The following ARHGEF10 variants were observed in gnomAD, a reference collection of about 807,000 sequenced individuals.
The protein encoded by ARHGEF10 is Rho guanine nucleotide exchange factor (GEF) 10.
In ARHGEF10, 140 loss-of-function variants were observed where a neutral mutation model predicts 147.4. That is an observed-to-expected ratio of 0.95 (90% confidence interval 0.83 to 1.09). The LOEUF (loss-of-function observed/expected upper bound fraction) is 1.09. ARHGEF10 is among the 50% of genes least tolerant of loss of function. The pLI, the probability that ARHGEF10 is intolerant of heterozygous loss-of-function variation, is 0.00. For synonymous variants in ARHGEF10, 902 were observed against 695.8 expected (o/e 1.30, Z -4.67); for missense variants, 2,222 against 1,752.7 (o/e 1.27, Z -4.78).
chr8:1,923,655 T>C (rs1812465932), intron 20 of ARHGEF10, 60 bp downstream of exon 20: 1 of 1,614,188 alleles, frequency 6.2e-7, no homozygotes, highest in Non-Finnish European at 8.5e-7. Context: ...AATGGTTCTT[T>C]GTCATGACAT....
chr8:1,835,370 G>A (rs561077685), intron 1 of ARHGEF10, among the ~76,000 whole-genome samples: 13 of 152,292 alleles, frequency 8.5e-5, no homozygotes, highest in Non-Finnish European at 1.8e-4. Context: ...CTGAGGCCGT[G>A]GGGGTACAGG....
At chr8:1,861,053 C>A (rs961419750) in intron 4 of ARHGEF10, among the ~76,000 whole-genome samples, 1 of 152,210 alleles carries the variant, frequency 6.6e-6, no homozygotes, top group Non-Finnish European at 1.5e-5. Flanking sequence ...TTCCCTGTAG[C>A]CAGGACATGC....
intron 5 of ARHGEF10, among the ~76,000 whole-genome samples, chr8:1,865,215 G>A (rs1277199425): frequency 1.3e-5 from 2 of 152,218 alleles, no homozygotes; most frequent in Non-Finnish European, 2.9e-5. Flanking sequence ...CTCAGAGCAG[G>A]GGGCTGCATC....
Position 1,892,277 on chromosome 8 carries a change from C to CTGTGTGTGTGTGTGTG in ARHGEF10, c.1183-1256_1183-1241dup, listed in dbSNP as rs66526026. 1.2e-3 allele frequency among the ~76,000 whole-genome samples: 157 copies of CTGTGTGTGTGTGTGTG among 126,636 alleles called. 3 individuals are homozygous for CTGTGTGTGTGTGTGTG. The highest frequency in any genetic ancestry group is 4.2e-3 in the Middle Eastern group (1 of 240). 83.1% of individuals were successfully genotyped at this position (126,636 alleles called of 152,430 possible). ...AGCTGCAGCTTCCCAGCTTCTGGCT[C>CTGTGTGTGTGTGTGTG]TGTGTGTGTGTGTGTGTGTGTGTGT... On this transcript the variant is annotated intron_variant, in intron 11 of 28. Coordinates refer to ENST00000349830, the MANE Select transcript of ARHGEF10 (RefSeq NM_014629.4).
At chr8:1,899,593 A>G (rs1402203107) in intron 15 of ARHGEF10, among the ~76,000 whole-genome samples, 1 of 152,230 alleles carries the variant, frequency 6.6e-6, no homozygotes, top group African/African-American at 2.4e-5. Flanking sequence ...AAATATCGAC[A>G]TGGGCTCTTT....
At chr8:1,841,166 A>C (rs1193965968) in intron 1 of ARHGEF10, among the ~76,000 whole-genome samples, 1 of 152,128 alleles carries the variant, frequency 6.6e-6, no homozygotes, top group Non-Finnish European at 1.5e-5. Context: ...GAGTGTCTCA[A>C]GTCTCCCAAC....
chr8:1,880,785 A>T (rs1197632035), intron 9 of ARHGEF10, among the ~76,000 whole-genome samples: 1 of 152,206 alleles, frequency 6.6e-6, no homozygotes, highest in East Asian at 1.9e-4. Flanking sequence ...TGGACCTTTT[A>T]TCCTGCTGGT....
intron 17 of ARHGEF10, among the ~76,000 whole-genome samples, chr8:1,908,813 C>T (rs532814653): frequency 1.3e-5 from 2 of 152,108 alleles, no homozygotes; most frequent in East Asian, 1.9e-4. Context: ...GTTCAATTTC[C>T]GTATACTTGA....
intron 7 of ARHGEF10, among the ~76,000 whole-genome samples, chr8:1,874,747 C>G (rs1156684246): frequency 2.0e-5 from 3 of 149,636 alleles, no homozygotes; most frequent in Non-Finnish European, 3.0e-5. Flanking sequence ...GGTTCTAAGA[C>G]AGGCTGGAGG....
At chr8:1,891,961 A>G (rs1393256385) in intron 11 of ARHGEF10, among the ~76,000 whole-genome samples, 1 of 149,422 alleles carries the variant, frequency 6.7e-6, no homozygotes, top group African/African-American at 2.4e-5. Flanking sequence ...ATATATACAC[A>G]TATAAATAAT....
In ARHGEF10 at chr8:1,957,673, A is replaced by G. The variant is rs544224309; in HGVS notation, c.*410A>G. On this transcript the variant is annotated 3_prime_UTR_variant, in exon 29 of 29. Coordinates refer to ENST00000349830, the MANE Select transcript of ARHGEF10 (RefSeq NM_014629.4). ...TATGTATTCAGTAGTGCAGGCATTTATTAACAATTCTTAAAAGTTTTACCT... is the reference window on the plus strand; with the variant it reads ...TATGTATTCAGTAGTGCAGGCATTTGTTAACAATTCTTAAAAGTTTTACCT... 1 of 167,760 alleles carries G rather than the reference A, an allele frequency of 6.0e-6. No individual in the cohort carries two copies. Among genetic ancestry groups the G allele is most frequent in the African/African-American group, 2.4e-5 (1 of 42,074 alleles). 10.4% of individuals were successfully genotyped at this position (167,760 alleles called of 1,614,324 possible).
chr8:1,923,632 A>T (rs757443554), intron 20 of ARHGEF10, 37 bp downstream of exon 20: 103 of 1,614,010 alleles, frequency 6.4e-5, no homozygotes, highest in Non-Finnish European at 8.5e-5. Context: ...TTCTTGGCCA[A>T]TGCTGGGGAG....
rs865968811 is a variant in ARHGEF10, at chr8:1,841,874, G to C, written c.-47-1479G>C. ...CCGCGGCGGGAACTGGGGCCGCGGC[G>C]GGAACTGGGGCCGCGGCGGGAACTG... On this transcript the variant is annotated intron_variant, in intron 1 of 28. Transcript: ENST00000349830. Among the ~76,000 whole-genome samples, 426 of 114,394 alleles carry C rather than the reference G, an allele frequency of 3.7e-3. 4 individuals carry two copies. The highest frequency in any genetic ancestry group is 8.0e-3 in the African/African-American group (241 of 30,160). The allele number at this position is 114,394 out of a possible 152,430, so 75.0% of individuals were successfully genotyped here. A position where few individuals can be genotyped will look rare whatever the true frequency, so the allele number is the denominator to read the frequency against.
Position 1,824,030 on chromosome 8 carries a change from G to C in ARHGEF10, c.-131G>C, listed in dbSNP as rs1196504466. The C allele has an allele frequency of 2.1e-5, 3 of 140,028 alleles. No homozygotes were observed. Among genetic ancestry groups the C allele is most frequent in the East Asian group, 4.2e-4 (2 of 4,796 alleles). 8.7% of individuals were successfully genotyped at this position (140,028 alleles called of 1,614,324 possible). A position where few individuals can be genotyped will look rare whatever the true frequency, so the allele number is the denominator to read the frequency against. ...GGACGGCGGGGAACGGCGGGGGACG[G>C]CGGGGAACAGCGGGGGACGGCGGGG... On this transcript the variant is annotated 5_prime_UTR_variant, in exon 1 of 29. Coordinates refer to ENST00000349830, the MANE Select transcript of ARHGEF10 (RefSeq NM_014629.4).
At chr8:1,912,888 G>A (rs945943324) in intron 18 of ARHGEF10, among the ~76,000 whole-genome samples, 3 of 152,184 alleles carry the variant, frequency 2.0e-5, no homozygotes, top group African/African-American at 4.8e-5. Flanking sequence ...GAGGAAGATC[G>A]AGCGTGAGCC....
chr8:1,832,659 C>T (rs796453424), intron 1 of ARHGEF10, among the ~76,000 whole-genome samples: 10,030 of 35,266 alleles, frequency 0.28, 3,402 homozygotes, highest in Middle Eastern at 0.37. Context: ...CAGAGAGAGA[C>T]AGAGGCAGAG....
At chr8:1,944,850 C>T (rs1814435140) in intron 26 of ARHGEF10, among the ~76,000 whole-genome samples, 1 of 152,218 alleles carries the variant, frequency 6.6e-6, no homozygotes, top group Admixed American at 6.5e-5. Flanking sequence ...CCCCTGAGGC[C>T]ATGTTGGGGG....
intron 2 of ARHGEF10, among the ~76,000 whole-genome samples, chr8:1,844,783 G>T (rs1415344973): frequency 6.6e-6 from 1 of 152,170 alleles, no homozygotes. Context: ...AATTGAAAAT[G>T]AGGTCGGGCA....
chr8:1,890,084 G>A (rs1192766203), intron 11 of ARHGEF10, among the ~76,000 whole-genome samples: 1 of 150,274 alleles, frequency 6.7e-6, no homozygotes, highest in Non-Finnish European at 1.5e-5. Flanking sequence ...TGTGGTGTGA[G>A]GGGTCTGTGA....
Sources: gnomAD v4.1 joint callset for allele counts (sites outside exome capture counted in the v4.1 genomes callset) on GRCh38, gnomAD v4.1.1 for gene constraint, MANE v1.5 for transcripts, NCBI Gene and HGNC (gene_info 2026-07-23, HGNC 2026-07-21) for gene names.